The following MBNL1 variants were observed in gnomAD, a reference collection of about 807,000 sequenced individuals.
MBNL1 encodes muscleblind like splicing regulator 1, also known as muscleblind-like protein 1.
MBNL1 carries 8 observed loss-of-function variants against 42.2 expected under a neutral mutation model. That is an observed-to-expected ratio of 0.19 (90% CI 0.11 to 0.34). The LOEUF is 0.34. Ranked by LOEUF, MBNL1 falls within the 10% of genes least tolerant of loss-of-function variation. MBNL1 has a pLI of 1.00. For synonymous variants in MBNL1, 169 were observed against 173.9 expected (o/e 0.97, Z 0.22); for missense variants, 309 against 495.3 (o/e 0.62, Z 3.57).
chr3:152,363,200 G>A (rs2096113218), intron 2 of MBNL1, among the ~76,000 whole-genome samples: 1 of 152,012 alleles, frequency 6.6e-6, no homozygotes, highest in Admixed American at 6.6e-5. Flanking sequence ...TTATATGCAT[G>A]TTTAATATAT....
chr3:152,387,147 A>C (rs977950801), intron 2 of MBNL1, among the ~76,000 whole-genome samples: 1 of 152,054 alleles, frequency 6.6e-6, no homozygotes, highest in African/African-American at 2.4e-5. Context: ...AGGAAGATCT[A>C]TCTTACAGCC....
intron 2 of MBNL1, among the ~76,000 whole-genome samples, chr3:152,328,873 A>G (rs2152552200): frequency 6.6e-6 from 1 of 152,342 alleles, no homozygotes; most frequent in South Asian, 2.1e-4. Context: ...CTTAATCTGA[A>G]CAGCACGAAA....
Position 152,332,737 on chromosome 3 carries a change from TGTGCGC to T in MBNL1, c.174+32372_174+32377del, listed in dbSNP as rs1414214507. Among the ~76,000 whole-genome samples, 143 of 104,726 alleles carry T rather than the reference TGTGCGC, an allele frequency of 1.4e-3. 1 individual carries two copies. The highest frequency in any genetic ancestry group is 5.1e-3 in the African/African-American group (137 of 26,648). 68.7% of individuals were successfully genotyped at this position (104,726 alleles called of 152,430 possible). On this transcript the variant is annotated intron_variant, in intron 2 of 9. Transcript: ENST00000324210. ...GTGTGTGTGTGTGTGTGTGTGTGTG[TGTGCGC>T]GCGCGCATGCGCACACACTAGTTTA...
chr3:152,296,794 A>T (rs967625779), intron 1 of MBNL1, among the ~76,000 whole-genome samples: 12 of 152,120 alleles, frequency 7.9e-5, no homozygotes, highest in Non-Finnish European at 1.2e-4. Context: ...GAAGTAATCC[A>T]AATCCTGATG....
intron 4 of MBNL1, among the ~76,000 whole-genome samples, chr3:152,441,320 G>T (rs780539818): frequency 1.3e-5 from 2 of 152,112 alleles, no homozygotes; most frequent in Non-Finnish European, 2.9e-5. Context: ...TAAAAAATTA[G>T]AGATCAAATG....
intron 2 of MBNL1, among the ~76,000 whole-genome samples, chr3:152,376,039 A>G (rs1202937721): frequency 6.6e-6 from 1 of 152,078 alleles, no homozygotes; most frequent in East Asian, 1.9e-4. Context: ...TGTTTCCTGG[A>G]TAAATTTCTC....
At chr3:152,314,517 A>G (rs924596144) in intron 2 of MBNL1, among the ~76,000 whole-genome samples, 1 of 152,082 alleles carries the variant, frequency 6.6e-6, no homozygotes, top group East Asian at 1.9e-4. Flanking sequence ...CTAGGATTAC[A>G]GGCATGTGCT....
At chr3:152,330,317 C>G (rs1369348119) in intron 2 of MBNL1, among the ~76,000 whole-genome samples, 1 of 152,164 alleles carries the variant, frequency 6.6e-6, no homozygotes, top group African/African-American at 2.4e-5. Context: ...CTGGGGTTAT[C>G]TCAAACTCCT....
At chr3:152,304,679 C>A (rs747311535) in intron 2 of MBNL1, among the ~76,000 whole-genome samples, 2 of 152,188 alleles carry the variant, frequency 1.3e-5, no homozygotes, top group African/African-American at 2.4e-5. Flanking sequence ...TAAGGCATAA[C>A]CTGCGCAGCA....
chr3:152,269,928 T>G (rs904045528), intron 1 of MBNL1: 2 of 150,478 alleles, frequency 1.3e-5, no homozygotes, highest in African/African-American at 5.0e-5. Flanking sequence ...TTTTTTTTTT[T>G]TTTTAAACGG....
At chr3:152,398,373 T>A (rs2098077623) in intron 2 of MBNL1, among the ~76,000 whole-genome samples, 1 of 152,150 alleles carries the variant, frequency 6.6e-6, no homozygotes, top group African/African-American at 2.4e-5. Flanking sequence ...CTATCATGTT[T>A]AATATCAGGA....
At chr3:152,294,117 A>G (rs910299368) in intron 1 of MBNL1, among the ~76,000 whole-genome samples, 6 of 152,110 alleles carry the variant, frequency 3.9e-5, no homozygotes, top group Admixed American at 6.5e-5. Flanking sequence ...TAGAATATAT[A>G]CATGATTTCT....
chr3:152,278,524 T>C (rs1383597836), intron 1 of MBNL1, among the ~76,000 whole-genome samples: 1 of 152,152 alleles, frequency 6.6e-6, no homozygotes, highest in Non-Finnish European at 1.5e-5. Flanking sequence ...TGCATAATGC[T>C]TTCTGGGGGA....
rs149117225 is a variant in MBNL1, at chr3:152,376,714, G to A, written c.175-38227G>A. ...GCTGTAAAGAATGCAGAAGCCTCAT[G>A]TCATTAGCTGCACGTCCATCTCCTA... On this transcript the variant is annotated intron_variant, in intron 2 of 9. Coordinates refer to ENST00000324210, the MANE Select transcript of MBNL1 (RefSeq NM_021038.5). Among the ~76,000 whole-genome samples the A allele has an allele frequency of 1.5e-3, 233 of 152,272 alleles. 1 individual carries two copies. The highest frequency in any genetic ancestry group is 2.0e-3 in the Non-Finnish European group (134 of 68,006).
At chr3:152,445,653 A>G in intron 5 of MBNL1, 114 bp downstream of exon 5, 1 of 1,149,882 alleles carries the variant, frequency 8.7e-7, no homozygotes, top group South Asian at 1.5e-5. Flanking sequence ...TGCTGAAGAT[A>G]TGTTTGTTCA....
chr3:152,449,469 G>C (rs1717331756), intron 6 of MBNL1: 1 of 152,050 alleles, frequency 6.6e-6, no homozygotes, highest in African/African-American at 2.4e-5. Context: ...TTATCAAATA[G>C]GTTTCACATT....
At chr3:152,244,342 A>G (rs1308636970) in exon 2 of MBNL1, 2 of 152,218 alleles carry the variant, frequency 1.3e-5, no homozygotes, top group Admixed American at 6.5e-5. Context: ...TAATGTAACT[A>G]GAGAAGAGAG....
upstream of MBNL1, chr3:152,268,924 GCAA>G: frequency 2.2e-6 from 1 of 456,186 alleles, no homozygotes; most frequent in South Asian, 1.5e-5. Flanking sequence ...ACAGCGACAT[GCAA>G]CAGTCTTTTC....
chr3:152,419,026 T>C (rs1014583961), intron 3 of MBNL1, among the ~76,000 whole-genome samples: 4 of 152,178 alleles, frequency 2.6e-5, no homozygotes, highest in African/African-American at 7.2e-5. Flanking sequence ...GACAATCTTA[T>C]AATGTAAACA....
Sources: gnomAD v4.1 joint callset for allele counts (sites outside exome capture counted in the v4.1 genomes callset) on GRCh38, gnomAD v4.1.1 for gene constraint, MANE v1.5 for transcripts, NCBI Gene and HGNC (gene_info 2026-07-23, HGNC 2026-07-21) for gene names.